The following WDFY2 variants were observed in gnomAD, a reference collection of about 807,000 sequenced individuals.
The protein encoded by WDFY2 is WD repeat and FYVE domain containing 2, also known as WD repeat and FYVE domain-containing protein 2.
In WDFY2, 36 loss-of-function variants were observed where a neutral mutation model predicts 56.4. That is an observed-to-expected ratio of 0.64 (90% confidence interval 0.49 to 0.84). The LOEUF (loss-of-function observed/expected upper bound fraction) is 0.84. Ranked by LOEUF, WDFY2 falls within the 40% of genes least tolerant of loss-of-function variation. WDFY2 has a pLI of 0.00. For synonymous variants in WDFY2, 176 were observed against 183.7 expected (o/e 0.96, Z 0.34); for missense variants, 444 against 512.2 (o/e 0.87, Z 1.29).
At chr13:51,680,257 A>G (rs1424615786) in intron 3 of WDFY2, among the ~76,000 whole-genome samples, 1 of 152,070 alleles carries the variant, frequency 6.6e-6, no homozygotes, top group Non-Finnish European at 1.5e-5. Flanking sequence ...GTGCACCACC[A>G]TACCTGGCTA....
intron 4 of WDFY2, among the ~76,000 whole-genome samples, chr13:51,714,145 A>G (rs1279267337): frequency 2.0e-5 from 3 of 151,766 alleles, no homozygotes; most frequent in Admixed American, 6.6e-5. Flanking sequence ...TTAAAAGATA[A>G]CATATGTGGA....
At chr13:51,666,913 A>G (rs1332983942) in intron 2 of WDFY2, among the ~76,000 whole-genome samples, 1 of 152,220 alleles carries the variant, frequency 6.6e-6, no homozygotes, top group African/African-American at 2.4e-5. Flanking sequence ...TCAACTTCCA[A>G]AAATGTATTG....
intron 2 of WDFY2, among the ~76,000 whole-genome samples, chr13:51,668,049 G>A (rs937718877): frequency 1.9e-4 from 29 of 151,666 alleles, no homozygotes; most frequent in East Asian, 7.8e-4. Context: ...CCGCCACTGC[G>A]CCCGGCTAAT....
At chr13:51,652,163 C>T (rs1430773431) in intron 1 of WDFY2, among the ~76,000 whole-genome samples, 10 of 150,772 alleles carry the variant, frequency 6.6e-5, no homozygotes, top group Non-Finnish European at 1.2e-4. Context: ...ATGTAATGGC[C>T]TTCTTTGTCT....
At chr13:51,587,821 A>C (rs1833761601) in intron 1 of WDFY2, 1 of 152,148 alleles carries the variant, frequency 6.6e-6, no homozygotes, top group East Asian at 1.9e-4. Flanking sequence ...TTATCCCCTA[A>C]ATTTTACCTC....
chr13:51,729,903 G>A (rs143845676), intron 6 of WDFY2, among the ~76,000 whole-genome samples: 3 of 152,194 alleles, frequency 2.0e-5, no homozygotes, highest in South Asian at 4.2e-4. Flanking sequence ...ACACTGTTGT[G>A]CAGTCATCAC....
chr13:51,736,213 T>C lies in WDFY2; in HGVS notation c.599-2836T>C, dbSNP rs115136107. ...TGCTAGGCACTGTTGTGTGTGTTTA[T>C]ATATATTAACCCAATTAATCTCAAC... On this transcript the variant is annotated intron_variant, in intron 6 of 11. Transcript: ENST00000298125. Among the ~76,000 whole-genome samples, 1,392 of 152,306 alleles carry C rather than the reference T, an allele frequency of 9.1e-3. 18 individuals carry two copies. Among genetic ancestry groups the C allele is most frequent in the African/African-American group, 0.032 (1,316 of 41,560 alleles).
intron 1 of WDFY2, among the ~76,000 whole-genome samples, chr13:51,594,849 A>G (rs993147703): frequency 2.6e-5 from 4 of 152,246 alleles, no homozygotes; most frequent in African/African-American, 9.6e-5. Flanking sequence ...GTTGGTGCTC[A>G]GTGAAAGTTT....
At chr13:51,630,508 A>G (rs1304373419) in intron 1 of WDFY2, among the ~76,000 whole-genome samples, 5 of 148,280 alleles carry the variant, frequency 3.4e-5, no homozygotes, top group Non-Finnish European at 7.5e-5. Context: ...TGCCCGCAAC[A>G]TTCTTTCTTT....
intron 6 of WDFY2, among the ~76,000 whole-genome samples, chr13:51,730,876 A>G (rs1053171594): frequency 2.0e-5 from 3 of 151,988 alleles, no homozygotes; most frequent in African/African-American, 7.2e-5. Context: ...AGGGAAGGAG[A>G]GGGGAGGTCA....
At chr13:51,594,800 T>TCCTGCAGCA (rs200336584) in intron 1 of WDFY2, among the ~76,000 whole-genome samples, 51 of 152,316 alleles carry the variant, frequency 3.3e-4, no homozygotes, top group Admixed American at 2.0e-3. Context: ...GAGATGATCT[T>TCCTGCAGCA]CCTGCAGCAC....
chr13:51,645,227 G>A (rs748855857), intron 1 of WDFY2, among the ~76,000 whole-genome samples: 41 of 151,446 alleles, frequency 2.7e-4, no homozygotes, highest in Non-Finnish European at 5.2e-4. Flanking sequence ...GCTAGGGGCT[G>A]CCTTCCTTCT....
At chr13:51,745,621 G>A (rs1000792178) in intron 7 of WDFY2, among the ~76,000 whole-genome samples, 15 of 151,632 alleles carry the variant, frequency 9.9e-5, no homozygotes, top group Admixed American at 2.0e-4. Flanking sequence ...CTGAAGTTCC[G>A]CTGAAAAGAT....
intron 1 of WDFY2, among the ~76,000 whole-genome samples, chr13:51,607,245 T>C (rs1429818614): frequency 1.3e-5 from 2 of 152,238 alleles, no homozygotes; most frequent in Non-Finnish European, 2.9e-5. Context: ...GTGAGTTGTC[T>C]AGGGGAGGCT....
Position 51,670,497 on chromosome 13 carries a change from A to G in WDFY2, c.206-4673A>G, listed in dbSNP as rs1360627179. ...ACCTACTGTGCGCACATGCACACACACACACACACACACACACACACACAC... is the reference window on the plus strand; with the variant it reads ...ACCTACTGTGCGCACATGCACACACGCACACACACACACACACACACACAC... On this transcript the variant is annotated intron_variant, in intron 2 of 11. Transcript: ENST00000298125. Among the ~76,000 whole-genome samples the G allele has an allele frequency of 4.2e-3, 588 of 140,528 alleles. 4 individuals are homozygous for G. Among genetic ancestry groups the G allele is most frequent in the African/African-American group, 0.015 (540 of 35,852 alleles). 92.2% of individuals were successfully genotyped at this position (140,528 alleles called of 152,430 possible).
chr13:51,681,262 A>G (rs1205067413), intron 3 of WDFY2, among the ~76,000 whole-genome samples: 1 of 152,188 alleles, frequency 6.6e-6, no homozygotes, highest in Non-Finnish European at 1.5e-5. Flanking sequence ...CTCACTCATC[A>G]GTCATCATGA....
chr13:51,681,059 A>T (rs1955968792), intron 3 of WDFY2, among the ~76,000 whole-genome samples: 3 of 152,202 alleles, frequency 2.0e-5, no homozygotes, highest in Admixed American at 2.0e-4. Context: ...ATTACCGTGG[A>T]TTATAACGAG....
intron 7 of WDFY2, among the ~76,000 whole-genome samples, chr13:51,742,128 C>T (rs1952989940): frequency 6.6e-6 from 1 of 152,194 alleles, no homozygotes; most frequent in South Asian, 2.1e-4. Context: ...TCCAGCCATT[C>T]TGTTGAGGGA....
At chr13:51,613,465 A>G (rs140890174) in intron 1 of WDFY2, among the ~76,000 whole-genome samples, 172 of 152,308 alleles carry the variant, frequency 1.1e-3, no homozygotes, top group African/African-American at 3.9e-3. Context: ...GAGTGGTTAA[A>G]TAGTTCCATC....
Sources: gnomAD v4.1 joint callset for allele counts (sites outside exome capture counted in the v4.1 genomes callset) on GRCh38, gnomAD v4.1.1 for gene constraint, MANE v1.5 for transcripts, NCBI Gene and HGNC (gene_info 2026-07-23, HGNC 2026-07-21) for gene names.